CPA6: variants seen among roughly 807,000 people sequenced by gnomAD.
CPA6 encodes carboxypeptidase B.
Under a neutral mutation model 63.3 loss-of-function variants are expected in CPA6, and 58 were observed. That is an observed-to-expected ratio of 0.92 (90% CI 0.74 to 1.14). The LOEUF is 1.14. Ranked by LOEUF, CPA6 falls within the 50% of genes most tolerant of loss-of-function variation. The pLI is 0.00. For missense variants in CPA6, 565 were observed against 526.6 expected, an observed-to-expected ratio of 1.07 and a Z score of -0.71; for synonymous variants, 185 against 179.0, an observed-to-expected ratio of 1.03 and a Z score of -0.27.
At chr8:67,515,234 A>G (rs1312911510) in intron 3 of CPA6, among the ~76,000 whole-genome samples, 3 of 152,170 alleles carry the variant, frequency 2.0e-5, no homozygotes, top group Non-Finnish European at 2.9e-5. Context: ...TTCGCAGCAA[A>G]GGGTAAGTCA....
chr8:67,445,242 C>T (rs1227753576), intron 8 of CPA6, among the ~76,000 whole-genome samples: 1 of 150,748 alleles, frequency 6.6e-6, no homozygotes, highest in Non-Finnish European at 1.5e-5. Context: ...TTTGGGAGGA[C>T]AAGCATATCT....
At position 67,525,003 on chromosome 8, in the gene CPA6, C is replaced by T. The variant is rs139481006; in HGVS notation, c.193-6956G>A. 2.4e-3 allele frequency among the ~76,000 whole-genome samples: 370 copies of T among 152,246 alleles called. 1 individual carries two copies. The highest frequency in any genetic ancestry group is 7.8e-3 in the African/African-American group (323 of 41,548). On this transcript the variant is annotated intron_variant, in intron 2 of 10. Coordinates refer to ENST00000297770, the MANE Select transcript of CPA6 (RefSeq NM_020361.5). ...GTTTTCTGATGACTGTAACAGCCAC[C>T]GTAGTCACACAGTTAAAGAAATGCT... is the stretch of plus-strand genomic sequence containing the variant.
At chr8:67,583,217 T>C (rs1813823290) in intron 2 of CPA6, among the ~76,000 whole-genome samples, 1 of 151,924 alleles carries the variant, frequency 6.6e-6, no homozygotes, top group Admixed American at 6.6e-5. Flanking sequence ...CAACTATGGG[T>C]GTTGGTTAGT....
At chr8:67,442,375 G>A (rs1338879220) in intron 8 of CPA6, among the ~76,000 whole-genome samples, 3 of 151,742 alleles carry the variant, frequency 2.0e-5, no homozygotes, top group Admixed American at 6.6e-5. Flanking sequence ...GTAATATAGT[G>A]TAATGTAATA....
chr8:67,572,710 A>G (rs1382753867), intron 2 of CPA6, among the ~76,000 whole-genome samples: 1 of 152,244 alleles, frequency 6.6e-6, no homozygotes, highest in South Asian at 2.1e-4. Context: ...AAACGTTTAA[A>G]TAAAAACTAA....
At chr8:67,549,923 T>C (rs1251528964) in intron 2 of CPA6, among the ~76,000 whole-genome samples, 1 of 152,240 alleles carries the variant, frequency 6.6e-6, no homozygotes, top group Non-Finnish European at 1.5e-5. Context: ...GTTGTGGCTA[T>C]TGTAAATAAT....
At chr8:67,509,735 A>C (rs944471561) in intron 4 of CPA6, 117 bp from the exon 5 acceptor site, 1 of 508,708 alleles carries the variant, frequency 2.0e-6, no homozygotes, top group African/African-American at 2.0e-5. Flanking sequence ...TGCACATGGA[A>C]TATAAAATTG....
At chr8:67,480,552 C>T (rs34035500) in intron 8 of CPA6, among the ~76,000 whole-genome samples, 61,263 of 151,980 alleles carry the variant, frequency 0.4, 12,625 homozygotes, top group African/African-American at 0.52. Flanking sequence ...ATACCACATT[C>T]TGTTTATCTA....
intron 2 of CPA6, among the ~76,000 whole-genome samples, chr8:67,598,733 T>G (rs886712534): frequency 6.6e-5 from 10 of 152,168 alleles, no homozygotes; most frequent in Non-Finnish European, 8.8e-5. Context: ...AGCAACACAT[T>G]TACTTTCTTA....
At chr8:67,725,691 T>C (rs1373262154) in intron 1 of CPA6, among the ~76,000 whole-genome samples, 3 of 152,122 alleles carry the variant, frequency 2.0e-5, no homozygotes, top group African/African-American at 4.8e-5. Context: ...TGGGTTTTAT[T>C]TTAAAATTGT....
At chr8:67,460,685 C>T (rs918616975) in intron 8 of CPA6, among the ~76,000 whole-genome samples, 5 of 151,982 alleles carry the variant, frequency 3.3e-5, no homozygotes, top group African/African-American at 1.2e-4. Context: ...AAATAGATTC[C>T]AGTAAAATAA....
intron 1 of CPA6, among the ~76,000 whole-genome samples, chr8:67,743,225 TGTAA>T (rs777855194): frequency 6.6e-6 from 1 of 152,190 alleles, no homozygotes; most frequent in Non-Finnish European, 1.5e-5. Context: ...AGATCTGCCT[TGTAA>T]GTGTTTAATG....
At chr8:67,656,552 T>C (rs1329271662) in intron 1 of CPA6, among the ~76,000 whole-genome samples, 1 of 152,154 alleles carries the variant, frequency 6.6e-6, no homozygotes, top group Non-Finnish European at 1.5e-5. Context: ...AGCCTGACCT[T>C]ATGACCATGT....
At chr8:67,553,100 T>G (rs1812986438) in intron 2 of CPA6, among the ~76,000 whole-genome samples, 1 of 152,208 alleles carries the variant, frequency 6.6e-6, no homozygotes. Context: ...CCATATGTTA[T>G]CAAATTGACT....
At chr8:67,436,886 G>A (rs757877170) in intron 8 of CPA6, among the ~76,000 whole-genome samples, 2 of 152,154 alleles carry the variant, frequency 1.3e-5, no homozygotes, top group African/African-American at 4.8e-5. Context: ...GAAAATATTT[G>A]GTGGTTCTGT....
intron 6 of CPA6, among the ~76,000 whole-genome samples, chr8:67,486,522 T>C (rs566550858): frequency 1.8e-4 from 27 of 152,358 alleles, no homozygotes; most frequent in African/African-American, 6.5e-4. Context: ...ATGACACATT[T>C]CCCAGAACAT....
At chr8:67,552,497 G>GT (rs1172915446) in intron 2 of CPA6, among the ~76,000 whole-genome samples, 1 of 152,134 alleles carries the variant, frequency 6.6e-6, no homozygotes, top group Non-Finnish European at 1.5e-5. Flanking sequence ...ATGATGGCCG[G>GT]GCACGGTGGC....
chr8:67,552,410 A>G (rs1262280871), intron 2 of CPA6, among the ~76,000 whole-genome samples: 1 of 152,212 alleles, frequency 6.6e-6, no homozygotes, highest in Non-Finnish European at 1.5e-5. Flanking sequence ...TAGGTGCTCA[A>G]TATATATCAA....
chr8:67,457,191 T>G (rs1810695606), intron 8 of CPA6, among the ~76,000 whole-genome samples: 1 of 152,254 alleles, frequency 6.6e-6, no homozygotes, highest in Middle Eastern at 3.2e-3. Context: ...TACACAGCAT[T>G]TAGCACAGCG....
Sources: allele counts gnomAD v4.1 joint callset (sites outside exome capture counted in the v4.1 genomes callset), GRCh38; gene constraint gnomAD v4.1.1; transcripts MANE v1.5; gene names NCBI Gene and HGNC (gene_info 2026-07-23, HGNC 2026-07-21).